HNF1B: variants seen among roughly 807,000 people sequenced by gnomAD.
HNF1B encodes HNF1 homeobox B.
Under a neutral mutation model 61.7 loss-of-function variants are expected in HNF1B, and 8 were observed. That is an observed-to-expected ratio of 0.13 (90% CI 0.08 to 0.23). The LOEUF (loss-of-function observed/expected upper bound fraction) is 0.23. Among genes scored for constraint, HNF1B ranks in the 10% least tolerant of loss-of-function variants. The probability of loss-of-function intolerance (pLI) is 1.00; values close to 1 mark genes in which losing one functional copy is unlikely to be tolerated. For missense variants in HNF1B, 562 were observed against 714.5 expected, an observed-to-expected ratio of 0.79 and a Z score of 2.43; for synonymous variants, 314 against 287.7, an observed-to-expected ratio of 1.09 and a Z score of -0.93.
chr17:37,743,465 G>A (rs943537136), intron 1 of HNF1B, among the ~76,000 whole-genome samples: 6 of 152,222 alleles, frequency 3.9e-5, no homozygotes, highest in Non-Finnish European at 8.8e-5. Context: ...GATTGTTTTG[G>A]CTAGAGGGCA....
chr17:37,698,929 G>A, intron 8 of HNF1B, 147 bp downstream of exon 8: 1 of 716,286 alleles, frequency 1.4e-6, no homozygotes, highest in Non-Finnish European at 2.5e-6. Flanking sequence ...TTTGCCCTGG[G>A]ACCTTAAGGA....
intron 4 of HNF1B, among the ~76,000 whole-genome samples, chr17:37,716,746 C>T (rs190051974): frequency 2.9e-4 from 44 of 152,184 alleles, no homozygotes; most frequent in South Asian, 8.3e-4. Context: ...CTCATAGAGC[C>T]CCTGGCGATT....
intron 4 of HNF1B, among the ~76,000 whole-genome samples, chr17:37,713,614 G>A (rs1451580809): frequency 2.6e-5 from 4 of 152,178 alleles, no homozygotes; most frequent in Non-Finnish European, 4.4e-5. Flanking sequence ...ATAGAGGCTC[G>A]GCTGGAAACT....
intron 3 of HNF1B, 57 bp downstream of exon 3, chr17:37,733,500 G>A (rs2033746933): frequency 6.3e-7 from 1 of 1,596,648 alleles, no homozygotes; most frequent in Non-Finnish European, 8.6e-7. Flanking sequence ...ACCGAGGGGA[G>A]GGTTCCTGGG....
intron 2 of HNF1B, 144 bp downstream of exon 2, chr17:37,739,296 C>G: frequency 1.3e-6 from 1 of 788,610 alleles, no homozygotes; most frequent in Non-Finnish European, 2.2e-6. Context: ...CAGCAACCAC[C>G]AAGGCCAAAT....
intron 6 of HNF1B, among the ~76,000 whole-genome samples, chr17:37,701,787 C>T (rs894675155): frequency 3.3e-5 from 5 of 152,222 alleles, no homozygotes; most frequent in South Asian, 2.1e-4. Context: ...AGCCAGTCTG[C>T]GAGGCGGGCA....
intron 7 of HNF1B, among the ~76,000 whole-genome samples, chr17:37,699,950 C>T (rs2032509917): frequency 6.6e-6 from 1 of 152,148 alleles, no homozygotes; most frequent in Non-Finnish European, 1.5e-5. Flanking sequence ...TCTAAGAGTC[C>T]CTTTATAAAT....
chr17:37,727,011 A>G (rs1390116678), intron 4 of HNF1B, among the ~76,000 whole-genome samples: 1 of 152,066 alleles, frequency 6.6e-6, no homozygotes, highest in Non-Finnish European at 1.5e-5. Context: ...TGCCGACTAG[A>G]GCAAAGGGTA....
chr17:37,727,970 T>C (rs1362409073), intron 4 of HNF1B, among the ~76,000 whole-genome samples: 1 of 151,894 alleles, frequency 6.6e-6, no homozygotes, highest in Non-Finnish European at 1.5e-5. Context: ...TTTTGGGCTC[T>C]CCTCAGCAAC....
chr17:37,708,822 G>A (rs545670512), intron 5 of HNF1B, among the ~76,000 whole-genome samples: 6 of 152,244 alleles, frequency 3.9e-5, no homozygotes, highest in Non-Finnish European at 1.5e-5. Context: ...CAGAGACCAC[G>A]ACCAGGGCAA....
intron 2 of HNF1B, among the ~76,000 whole-genome samples, chr17:37,739,232 C>T (rs1371862463): frequency 1.3e-5 from 2 of 152,172 alleles, no homozygotes; most frequent in African/African-American, 2.4e-5. Context: ...GAGCAACTGG[C>T]TGGGTAGCAA....
intron 4 of HNF1B, among the ~76,000 whole-genome samples, chr17:37,712,656 G>A (rs371555665): frequency 3.1e-4 from 47 of 152,164 alleles, no homozygotes; most frequent in African/African-American, 9.9e-4. Context: ...ACTCTGCAGC[G>A]AAACCAACTC....
chr17:37,720,529 C>T (rs1324036044), intron 4 of HNF1B, among the ~76,000 whole-genome samples: 2 of 151,744 alleles, frequency 1.3e-5, no homozygotes, highest in Non-Finnish European at 1.5e-5. Context: ...AATTATATAG[C>T]ACATATATGC....
intron 8 of HNF1B, among the ~76,000 whole-genome samples, chr17:37,691,670 C>T (rs1873248211): frequency 6.6e-6 from 1 of 152,120 alleles, no homozygotes; most frequent in South Asian, 2.1e-4. Flanking sequence ...TCATTATCTT[C>T]ATTTTACAGG....
chr17:37,744,761 T>C lies in HNF1B; in HGVS notation c.124A>G (p.Lys42Glu). Residue 42 changes from lysine to glutamate, a missense_variant, in exon 1 of 9, where the codon AAG (lysine) becomes GAG (glutamate). Transcript: ENST00000617811. ...ELLPSPNFGVKLETLPLSPGS... is the reference protein window; with the variant it reads ...ELLPSPNFGVELETLPLSPGS... ...GGGGACAGGGGCAGCGTCTCCAGCT[T>C]CACCCCGAAGTTCGGGGATGGCAGC... The C allele has an allele frequency of 6.2e-7, 1 of 1,613,616 alleles. No homozygotes were observed. Among genetic ancestry groups the C allele is most frequent in the Non-Finnish European group, 8.5e-7 (1 of 1,180,042 alleles).
intron 4 of HNF1B, among the ~76,000 whole-genome samples, chr17:37,713,811 C>T (rs1036738780): frequency 6.6e-6 from 1 of 152,198 alleles, no homozygotes; most frequent in African/African-American, 2.4e-5. Flanking sequence ...CGATGCTCCT[C>T]TCACCAAGCA....
intron 4 of HNF1B, among the ~76,000 whole-genome samples, chr17:37,724,423 C>T (rs1238609435): frequency 6.6e-6 from 1 of 152,096 alleles, no homozygotes; most frequent in Non-Finnish European, 1.5e-5. Context: ...TTTAAATACT[C>T]CCTCGGGTGA....
At chr17:37,703,413 G>GTA (rs72158174) in intron 6 of HNF1B, among the ~76,000 whole-genome samples, 60,024 of 150,124 alleles carry the variant, frequency 0.4, 13,403 homozygotes, top group African/African-American at 0.63. Context: ...AATTCAGATA[G>GTA]TATATATATA....
At chr17:37,692,297 G>C (rs184808528) in intron 8 of HNF1B, among the ~76,000 whole-genome samples, 1 of 152,348 alleles carries the variant, frequency 6.6e-6, no homozygotes. Context: ...CCTGGCTTTA[G>C]CCTTATACCT....
Sources: gnomAD v4.1 joint callset for allele counts (sites outside exome capture counted in the v4.1 genomes callset) on GRCh38, gnomAD v4.1.1 for gene constraint, MANE v1.5 for transcripts, NCBI Gene and HGNC (gene_info 2026-07-23, HGNC 2026-07-21) for gene names.